Variants in RORA observed in about 807,000 individuals in gnomAD.
RORA encodes RAR related orphan receptor A.
In RORA, 7 loss-of-function variants were observed where a neutral mutation model predicts 69.5. That is an observed-to-expected ratio of 0.10 (90% CI 0.06 to 0.19). The LOEUF is 0.19. Among genes scored for constraint, RORA ranks in the 10% least tolerant of loss-of-function variants. The pLI is 1.00. For missense variants in RORA, 457 were observed against 663.0 expected (o/e 0.69, Z 3.41); for synonymous variants, 261 against 240.8 (o/e 1.08, Z -0.78).
chr15:61,040,789 C>T (rs753661920), intron 1 of RORA, among the ~76,000 whole-genome samples: 4 of 152,152 alleles, frequency 2.6e-5, no homozygotes, highest in Non-Finnish European at 5.9e-5. Flanking sequence ...TGAATGAATG[C>T]AGATACTTCA....
At chr15:61,127,408 G>A (rs1433974972) in intron 1 of RORA, among the ~76,000 whole-genome samples, 8 of 152,094 alleles carry the variant, frequency 5.3e-5, no homozygotes, top group African/African-American at 1.4e-4. Flanking sequence ...GTTAGGAAAC[G>A]GAGCCACAAA....
chr15:60,899,816 T>C (rs1891335296), intron 1 of RORA, among the ~76,000 whole-genome samples: 1 of 152,180 alleles, frequency 6.6e-6, no homozygotes, highest in African/African-American at 2.4e-5. Flanking sequence ...GTACAGAATA[T>C]CCATTATACA....
At chr15:60,897,526 G>C (rs920561123) in intron 1 of RORA, among the ~76,000 whole-genome samples, 4 of 152,168 alleles carry the variant, frequency 2.6e-5, no homozygotes, top group Non-Finnish European at 4.4e-5. Flanking sequence ...CCCTATTCTG[G>C]GGGTGAGGAT....
At chr15:60,848,696 A>C (rs1197919921) in intron 1 of RORA, 1 of 153,948 alleles carries the variant, frequency 6.5e-6, no homozygotes, top group Non-Finnish European at 1.4e-5. Flanking sequence ...GCAAAAGGTG[A>C]AGGGGAAGCA....
intron 2 of RORA, among the ~76,000 whole-genome samples, chr15:60,599,747 T>C (rs79529338): frequency 0.2 from 30,197 of 152,146 alleles, 3,680 homozygotes; most frequent in East Asian, 0.46. Context: ...CTCTGCAAAC[T>C]ATACACTTTC....
intron 2 of RORA, among the ~76,000 whole-genome samples, chr15:60,540,113 G>A (rs1334573130): frequency 4.6e-5 from 7 of 152,058 alleles, no homozygotes; most frequent in Middle Eastern, 3.2e-3. Flanking sequence ...CATAATTCTG[G>A]ATAATACTAG....
At chr15:60,858,880 G>A (rs945987133) in intron 1 of RORA, among the ~76,000 whole-genome samples, 24 of 151,942 alleles carry the variant, frequency 1.6e-4, no homozygotes, top group African/African-American at 5.6e-4. Context: ...CATCTCAAAC[G>A]CTCTAATTAG....
Position 60,810,146 on chromosome 15 carries a change from A to G in RORA, c.167-131460T>C, listed in dbSNP as rs575190956. Among the ~76,000 whole-genome samples, 9 of 152,298 alleles carry G rather than the reference A, an allele frequency of 5.9e-5. No individual in the cohort carries two copies. The East Asian group carries it at 1.7e-3, about 29-fold the overall frequency. ...GTGCATCTTTCAGTAGTCTCCTGAA[A>G]GAGTGTGTGTAAGCTAACATTTTGG... On this transcript the variant is annotated intron_variant, in intron 1 of 10. Transcript: ENST00000335670.
intron 1 of RORA, among the ~76,000 whole-genome samples, chr15:60,949,493 G>A (rs1186714286): frequency 1.3e-5 from 2 of 152,262 alleles, no homozygotes; most frequent in South Asian, 2.1e-4. Flanking sequence ...CCCTGGACCC[G>A]AGCAGCAGAG....
intron 1 of RORA, among the ~76,000 whole-genome samples, chr15:61,112,543 G>A (rs2079016003): frequency 6.6e-6 from 1 of 152,182 alleles, no homozygotes; most frequent in Non-Finnish European, 1.5e-5. Context: ...AAAGGTTGAG[G>A]CCAGGAAGTA....
intron 5 of RORA, 136 bp from the exon 6 acceptor site, chr15:60,505,765 CAAGT>C: frequency 2.0e-6 from 2 of 988,334 alleles, no homozygotes; most frequent in Admixed American, 2.2e-5. Flanking sequence ...CACATTTAAA[CAAGT>C]AATTTGGAAC....
chr15:61,151,024 G>C (rs2079393236), intron 1 of RORA, among the ~76,000 whole-genome samples: 1 of 152,238 alleles, frequency 6.6e-6, no homozygotes, highest in South Asian at 2.1e-4. Context: ...CCTGACGCAA[G>C]ATAGCAAGTA....
At chr15:60,769,635 G>A (rs534711779) in intron 1 of RORA, among the ~76,000 whole-genome samples, 3 of 152,162 alleles carry the variant, frequency 2.0e-5, no homozygotes, top group Non-Finnish European at 4.4e-5. Flanking sequence ...AGATATTGAT[G>A]TTATAAACTC....
chr15:60,503,289 G>A (rs1595870313), intron 7 of RORA, among the ~76,000 whole-genome samples: 1 of 152,222 alleles, frequency 6.6e-6, no homozygotes, highest in East Asian at 1.9e-4. Context: ...CACGTGATGG[G>A]AAAATTTGGG....
Position 60,537,131 on chromosome 15 carries a change from C to T in RORA, c.197-5280G>A, listed in dbSNP as rs903990432. Among the ~76,000 whole-genome samples, 3 of 152,192 alleles carry T rather than the reference C, an allele frequency of 2.0e-5. No individual in the cohort carries two copies. Among genetic ancestry groups the T allele is most frequent in the Non-Finnish European group, 4.4e-5 (3 of 68,046 alleles). On this transcript the variant is annotated intron_variant, in intron 2 of 10. Coordinates refer to ENST00000335670, the MANE Select transcript of RORA (RefSeq NM_134261.3). The surrounding 1 kb of genome is among the most constrained non-coding windows in gnomAD (Gnocchi z 4.9). Reference sequence around the variant, plus strand: ...AAGGCTTCTGCAGCTGCCTGAATGGCGGCCTGGCTTGCGTGTCAAGGTTAG... The same window carrying T: ...AAGGCTTCTGCAGCTGCCTGAATGGTGGCCTGGCTTGCGTGTCAAGGTTAG...
At chr15:60,724,448 T>C (rs2071332161) in intron 1 of RORA, among the ~76,000 whole-genome samples, 1 of 152,322 alleles carries the variant, frequency 6.6e-6, no homozygotes, top group African/African-American at 2.4e-5. Context: ...TTTGAACCCA[T>C]ACACTTTGAA....
intron 1 of RORA, among the ~76,000 whole-genome samples, chr15:60,810,565 T>C (rs2072729032): frequency 6.6e-6 from 1 of 152,192 alleles, no homozygotes; most frequent in Non-Finnish European, 1.5e-5. Context: ...TCTCTCGTTT[T>C]TTGCTTCTAC....
At chr15:61,098,571 G>A (rs2078832357) in intron 1 of RORA, among the ~76,000 whole-genome samples, 1 of 152,056 alleles carries the variant, frequency 6.6e-6, no homozygotes, top group Non-Finnish European at 1.5e-5. Flanking sequence ...TCGAGCTCCT[G>A]GGTTCAAGCA....
intron 1 of RORA, among the ~76,000 whole-genome samples, chr15:61,172,460 A>G (rs2079593442): frequency 6.6e-6 from 1 of 152,176 alleles, no homozygotes; most frequent in Admixed American, 6.5e-5. Context: ...AGGAATTGAT[A>G]AGACAGGAGG....
Sources: gnomAD v4.1 joint callset for allele counts (sites outside exome capture counted in the v4.1 genomes callset) on GRCh38, gnomAD v4.1.1 for gene constraint, Gnocchi (gnomAD v3.1) non-coding constraint, MANE v1.5 for transcripts, NCBI Gene and HGNC (gene_info 2026-07-23, HGNC 2026-07-21) for gene names.